The following ADAMTS2 variants were observed in gnomAD, a reference collection of about 807,000 sequenced individuals.
ADAMTS2 encodes A disintegrin and metalloproteinase with thrombospondin motifs 2.
ADAMTS2 carries 50 observed loss-of-function variants against 123.0 expected under a neutral mutation model. The observed-to-expected ratio is 0.41, with a 90% CI of 0.32 to 0.51. The LOEUF (loss-of-function observed/expected upper bound fraction) is 0.51, where lower values mean the gene tolerates loss of function less well. Ranked by LOEUF, ADAMTS2 falls within the 20% of genes least tolerant of loss-of-function variation. The probability of loss-of-function intolerance (pLI) is 0.35; values close to 1 mark genes in which losing one functional copy is unlikely to be tolerated. For missense variants in ADAMTS2, 1,494 were observed against 1,705.2 expected (o/e 0.88, Z 2.18); for synonymous variants, 678 against 695.4 (o/e 0.98, Z 0.39).
chr5:179,237,177 C>T lies in ADAMTS2; in HGVS notation c.689-29462G>A, dbSNP rs147754973. Among the ~76,000 whole-genome samples the T allele has an allele frequency of 1.8e-3, 267 of 152,320 alleles. 1 individual carries two copies. Among genetic ancestry groups the T allele is most frequent in the African/African-American group, 6.1e-3 (254 of 41,568 alleles). ...ACGTGAGAGGCTGAGGCAGGAGGAT[C>T]GCTTGATCCCAGGAGTTCAAGGACA... On this transcript the variant is annotated intron_variant, in intron 3 of 21. Coordinates refer to ENST00000251582, the MANE Select transcript of ADAMTS2 (RefSeq NM_014244.5).
chr5:179,261,495 T>C (rs1227110881), intron 3 of ADAMTS2, among the ~76,000 whole-genome samples: 3 of 152,174 alleles, frequency 2.0e-5, no homozygotes, highest in Non-Finnish European at 4.4e-5. Context: ...CTCGAGCGCG[T>C]CTGGGCTGGC....
At chr5:179,325,345 T>C (rs1757285178) in intron 2 of ADAMTS2, among the ~76,000 whole-genome samples, 1 of 152,068 alleles carries the variant, frequency 6.6e-6, no homozygotes, top group Non-Finnish European at 1.5e-5. Flanking sequence ...GTGCTTATCA[T>C]GGGCAGCTGG....
At chr5:179,209,036 G>C (rs1425380749) in intron 3 of ADAMTS2, among the ~76,000 whole-genome samples, 1 of 152,206 alleles carries the variant, frequency 6.6e-6, no homozygotes, top group Non-Finnish European at 1.5e-5. Context: ...TCCAGGCAGG[G>C]ACAGGCACTC....
At chr5:179,125,862 C>T in intron 18 of ADAMTS2, 136 bp downstream of exon 18, 1 of 1,329,754 alleles carries the variant, frequency 7.5e-7, no homozygotes, top group Non-Finnish European at 1.0e-6. Context: ...TCTTAGATTC[C>T]ATGAAATGTG....
chr5:179,276,276 G>A lies in ADAMTS2; in HGVS notation c.535-3212C>T, dbSNP rs182485858. Among the ~76,000 whole-genome samples the A allele has an allele frequency of 8.9e-4, 136 of 152,312 alleles. 1 individual carries two copies. The highest frequency in any genetic ancestry group is 3.4e-3 in the Middle Eastern group (1 of 294). ...AGGGGCAGTGTGTTTACCAGTGCAG[G>A]AGTTGGGAGGGTCCAGCACTGATGG... On this transcript the variant is annotated intron_variant, in intron 2 of 21. Transcript: ENST00000251582.
chr5:179,133,992 G>A (rs527835078), intron 13 of ADAMTS2, among the ~76,000 whole-genome samples: 16 of 151,880 alleles, frequency 1.1e-4, no homozygotes, highest in Admixed American at 7.2e-4. Flanking sequence ...GATTACAGGC[G>A]TGAGCCACCA....
chr5:179,168,542 C>T (rs186803167), intron 5 of ADAMTS2, among the ~76,000 whole-genome samples: 269 of 152,338 alleles, frequency 1.8e-3, no homozygotes, highest in Middle Eastern at 3.4e-3. Flanking sequence ...GGGCTTCAGA[C>T]GGTGCCTGTC....
chr5:179,318,279 C>T (rs1348674992), intron 2 of ADAMTS2, among the ~76,000 whole-genome samples: 3 of 152,242 alleles, frequency 2.0e-5, no homozygotes, highest in East Asian at 1.9e-4. Context: ...AACTGCGATG[C>T]GAGAGTATTA....
rs1034412863 is a variant in ADAMTS2, at chr5:179,185,843, G to A, written c.892-4688C>T. On this transcript the variant is annotated intron_variant, in intron 4 of 21. Coordinates refer to ENST00000251582, the MANE Select transcript of ADAMTS2 (RefSeq NM_014244.5). The surrounding 1 kb of genome is among the most constrained non-coding windows in gnomAD (Gnocchi z 5.9). Reference sequence around the variant, plus strand: ...GGCCTCTGGAAGCCTCAGATGGTTCGGAGATTAACTGGGGCTCCCTGGCTG... The same window carrying A: ...GGCCTCTGGAAGCCTCAGATGGTTCAGAGATTAACTGGGGCTCCCTGGCTG... Among the ~76,000 whole-genome samples, 12 of 152,112 alleles carry A rather than the reference G, an allele frequency of 7.9e-5. No homozygotes were observed. Among genetic ancestry groups the A allele is most frequent in the African/African-American group, 2.4e-4 (10 of 41,506 alleles).
At chr5:179,274,453 G>A (rs77141222) in intron 2 of ADAMTS2, among the ~76,000 whole-genome samples, 1,681 of 152,364 alleles carry the variant, frequency 0.011, 26 homozygotes, top group African/African-American at 0.039. Flanking sequence ...CTTAGCTGGC[G>A]CTGGCCGGGG....
chr5:179,195,044 G>A (rs536152754), intron 4 of ADAMTS2, among the ~76,000 whole-genome samples: 256 of 152,256 alleles, frequency 1.7e-3, no homozygotes, highest in African/African-American at 5.8e-3. Flanking sequence ...AGGCAACTGC[G>A]GTGGCCCTTG....
At position 179,322,730 on chromosome 5, in the gene ADAMTS2, G is replaced by A. The variant is rs117441172; in HGVS notation, c.534+21037C>T. ...CAGGCAGGTGGGGCCCAGGCCAGGC[G>A]GGACAGAAACCCAAATGTGGCGATG... On this transcript the variant is annotated intron_variant, in intron 2 of 21. Transcript: ENST00000251582. Among the ~76,000 whole-genome samples, 597 of 152,330 alleles carry A rather than the reference G, an allele frequency of 3.9e-3. 12 individuals carry two copies. In the East Asian group the frequency reaches 0.07, roughly 18 times the overall value.
At chr5:179,233,509 A>C (rs1765459030) in intron 3 of ADAMTS2, among the ~76,000 whole-genome samples, 1 of 152,312 alleles carries the variant, frequency 6.6e-6, no homozygotes, top group African/African-American at 2.4e-5. Context: ...AACATGGCAA[A>C]ACCCTGTCTC....
chr5:179,286,249 G>C, intron 2 of ADAMTS2, among the ~76,000 whole-genome samples: 1 of 142,836 alleles, frequency 7.0e-6, no homozygotes, highest in African/African-American at 2.6e-5. Flanking sequence ...AGACCCTGTC[G>C]ACAGGCCCTC....
At chr5:179,148,406 T>C (rs1433827786) in intron 10 of ADAMTS2, among the ~76,000 whole-genome samples, 2 of 151,934 alleles carry the variant, frequency 1.3e-5, no homozygotes, top group Non-Finnish European at 2.9e-5. Context: ...CAGACAGCCA[T>C]AGCCAGTGAC....
Position 179,207,578 on chromosome 5 carries a change from C to A in ADAMTS2, c.826G>T (p.Asp276Tyr). Residue 276 changes from aspartate to tyrosine, a missense_variant, in exon 4 of 22, where the codon GAC becomes TAC. Physicochemically the swap from Asp to Tyr is radical, Grantham distance 160. Coordinates refer to ENST00000251582, the MANE Select transcript of ADAMTS2 (RefSeq NM_014244.5). Reference sequence around the variant, plus strand: ...TTCCCGTGGAACTGCACCACAGAGTCATCCACGCCCAGCAGGACCTCGATG... The same window carrying A: ...TTCCCGTGGAACTGCACCACAGAGTAATCCACGCCCAGCAGGACCTCGATG... Reference protein sequence around the residue: ...YNIEVLLGVDDSVVQFHGKEH... With the variant: ...YNIEVLLGVDYSVVQFHGKEH... 1 of 1,612,034 alleles carries A rather than the reference C, an allele frequency of 6.2e-7. No homozygotes were observed. Among genetic ancestry groups the A allele is most frequent in the Non-Finnish European group, 8.5e-7 (1 of 1,179,078 alleles).
chr5:179,296,135 C>T lies in ADAMTS2; in HGVS notation c.535-23071G>A, dbSNP rs183930844. Among the ~76,000 whole-genome samples the T allele has an allele frequency of 9.6e-4, 145 of 150,502 alleles. 2 individuals carry two copies. In the East Asian group the frequency reaches 0.025, roughly 26 times the overall value. ...GCAGGAGGATGGGGGAGGCCTGAGC[C>T]GTGGGGACAGGAGAATGACCACAGG... On this transcript the variant is annotated intron_variant, in intron 2 of 21. Coordinates refer to ENST00000251582, the MANE Select transcript of ADAMTS2 (RefSeq NM_014244.5).
At chr5:179,193,362 CGAGT>C (rs1661002293) in intron 4 of ADAMTS2, among the ~76,000 whole-genome samples, 1 of 152,164 alleles carries the variant, frequency 6.6e-6, no homozygotes, top group African/African-American at 2.4e-5. Flanking sequence ...CCACACCCTG[CGAGT>C]GAGTGTTATC....
At chr5:179,201,658 C>T (rs985622674) in intron 4 of ADAMTS2, among the ~76,000 whole-genome samples, 15 of 119,200 alleles carry the variant, frequency 1.3e-4, no homozygotes, top group East Asian at 6.7e-4. Flanking sequence ...AAAAATTAGA[C>T]GGCCGTGGTG....
Sources: gnomAD v4.1 joint callset for allele counts (sites outside exome capture counted in the v4.1 genomes callset) on GRCh38, gnomAD v4.1.1 for gene constraint, Gnocchi (gnomAD v3.1) non-coding constraint, MANE v1.5 for transcripts, NCBI Gene and HGNC (gene_info 2026-07-23, HGNC 2026-07-21) for gene names.